Variants in TXNDC16 observed in about 807,000 individuals in gnomAD.
The protein encoded by TXNDC16 is thioredoxin domain-containing protein 16.
A neutral mutation model predicts 85.6 loss-of-function variants in TXNDC16; 74 were observed. The ratio of observed to expected loss-of-function variants is 0.86; its 90% CI spans 0.72 to 1.05. The LOEUF (loss-of-function observed/expected upper bound fraction) is 1.05, where lower values mean the gene tolerates loss of function less well. TXNDC16 is among the 50% of genes least tolerant of loss of function. The probability of loss-of-function intolerance (pLI) is 0.00; values close to 1 mark genes in which losing one functional copy is unlikely to be tolerated. For synonymous variants in TXNDC16, 335 were observed against 326.5 expected (o/e 1.03, Z -0.28); for missense variants, 959 against 947.0 (o/e 1.01, Z -0.17).
chr14:52,436,209 A>T (rs984152470), intron 20 of TXNDC16, among the ~76,000 whole-genome samples: 2 of 152,216 alleles, frequency 1.3e-5, no homozygotes, highest in African/African-American at 4.8e-5. Flanking sequence ...AATGTGACAT[A>T]TCCTTGCAGT....
intron 6 of TXNDC16, among the ~76,000 whole-genome samples, chr14:52,524,802 C>T (rs1191923901): frequency 6.6e-6 from 1 of 151,772 alleles, no homozygotes; most frequent in Non-Finnish European, 1.5e-5. Context: ...CCTGAGGATT[C>T]TTAGGAATCA....
chr14:52,534,706 T>A (rs1218907521), intron 6 of TXNDC16, among the ~76,000 whole-genome samples: 1 of 152,196 alleles, frequency 6.6e-6, no homozygotes, highest in Non-Finnish European at 1.5e-5. Context: ...TATGCATACA[T>A]ACTTCTACTA....
chr14:52,541,960 A>G (rs2140228856), intron 4 of TXNDC16, among the ~76,000 whole-genome samples: 1 of 152,340 alleles, frequency 6.6e-6, no homozygotes, highest in East Asian at 1.9e-4. Flanking sequence ...AAGAACAGAA[A>G]AAAATTATTT....
At chr14:52,443,539 G>C (rs561936111) in intron 18 of TXNDC16, among the ~76,000 whole-genome samples, 13 of 152,322 alleles carry the variant, frequency 8.5e-5, no homozygotes, top group African/African-American at 2.6e-4. Context: ...TGAGGTGTGT[G>C]CTTGAGCAGG....
chr14:52,473,807 A>G (rs969992706), intron 14 of TXNDC16, among the ~76,000 whole-genome samples: 5 of 152,200 alleles, frequency 3.3e-5, no homozygotes, highest in South Asian at 4.1e-4. Context: ...AACATTCTTC[A>G]TTGTCTTCGA....
intron 8 of TXNDC16, among the ~76,000 whole-genome samples, chr14:52,511,827 C>T (rs1433863238): frequency 6.6e-6 from 1 of 152,100 alleles, no homozygotes; most frequent in Non-Finnish European, 1.5e-5. Flanking sequence ...TTTGAATAAA[C>T]TTCAGCCAAA....
intron 16 of TXNDC16, among the ~76,000 whole-genome samples, chr14:52,459,289 C>T (rs2035601677): frequency 2.0e-5 from 3 of 152,124 alleles, no homozygotes; most frequent in South Asian, 4.2e-4. Context: ...AAAAGCACTC[C>T]TAACCCCTAT....
At position 52,536,922 on chromosome 14, in the gene TXNDC16, T is replaced by C. The variant is rs1210422941; in HGVS notation, c.318-129A>G. 4 of 669,618 alleles carry C rather than the reference T, an allele frequency of 6.0e-6. No individual in the cohort carries two copies. The South Asian group carries it at 6.5e-5, about 11-fold the overall frequency. The allele number at this position is 669,618 out of a possible 1,614,324, so 41.5% of individuals were successfully genotyped here. A position where few individuals can be genotyped will look rare whatever the true frequency, so the allele number is the denominator to read the frequency against. On this transcript the variant is annotated intron_variant, in intron 5 of 20. Coordinates refer to ENST00000281741, the MANE Select transcript of TXNDC16 (RefSeq NM_020784.3). ...ATGTTACAGCTGTGTCTTGTCCACATACTCCACATACCTACCAGCGTCCTG... is the reference window on the plus strand; with the variant it reads ...ATGTTACAGCTGTGTCTTGTCCACACACTCCACATACCTACCAGCGTCCTG...
chr14:52,465,187 T>C (rs916881688), intron 16 of TXNDC16, among the ~76,000 whole-genome samples: 1 of 152,186 alleles, frequency 6.6e-6, no homozygotes, highest in Non-Finnish European at 1.5e-5. Flanking sequence ...TGGGGTCCTC[T>C]TCTCAGACAA....
At chr14:52,525,842 C>G (rs1412239548) in intron 6 of TXNDC16, among the ~76,000 whole-genome samples, 1 of 151,560 alleles carries the variant, frequency 6.6e-6, no homozygotes, top group Non-Finnish European at 1.5e-5. Flanking sequence ...ATACCAAAAC[C>G]CATGGATGCT....
chr14:52,527,140 G>C (rs2037354882), intron 6 of TXNDC16, among the ~76,000 whole-genome samples: 1 of 152,202 alleles, frequency 6.6e-6, no homozygotes, highest in African/African-American at 2.4e-5. Context: ...TAGAGAAACA[G>C]CCAAGCCCAA....
intron 14 of TXNDC16, among the ~76,000 whole-genome samples, chr14:52,479,903 A>G (rs1021553516): frequency 2.6e-5 from 4 of 152,030 alleles, no homozygotes; most frequent in African/African-American, 9.7e-5. Context: ...GAGGCATCAC[A>G]TTACCTATTT....
In TXNDC16 at chr14:52,439,381, C is replaced by A. The variant is rs746571909; in HGVS notation, c.2017G>T (p.Val673Leu). 3.9e-5 allele frequency: 63 copies of A among 1,612,458 alleles called. 1 individual carries two copies. The South Asian group carries it at 6.6e-4, about 17-fold the overall frequency. Residue 673 changes from valine (V) to leucine (L), a missense_variant, in exon 20 of 21, where the codon GTG becomes TTG. Physicochemically the swap from Val to Leu is conservative, Grantham distance 32. Coordinates refer to ENST00000281741, the MANE Select transcript of TXNDC16 (RefSeq NM_020784.3). ...TATGCCCTCAAGATTCCTCTCCCCA[C>A]TGGAGTATTCTTTCTGCAAAAGGGA... is the stretch of plus-strand genomic sequence containing the variant. Reference protein sequence around the residue: ...PCWLNLKNTPVGRGILRAYFD... With the variant: ...PCWLNLKNTPLGRGILRAYFD...
At chr14:52,454,821 AAGT>A (rs1261175477) in intron 18 of TXNDC16, among the ~76,000 whole-genome samples, 1 of 152,086 alleles carries the variant, frequency 6.6e-6, no homozygotes, top group Non-Finnish European at 1.5e-5. Context: ...AAACCCATAT[AAGT>A]AATAAGAATA....
intron 6 of TXNDC16, among the ~76,000 whole-genome samples, chr14:52,521,644 C>G (rs1433613489): frequency 6.6e-6 from 1 of 152,144 alleles, no homozygotes; most frequent in Admixed American, 6.5e-5. Context: ...CTAAATTATG[C>G]TGGCTTAAAT....
In TXNDC16 at chr14:52,432,270, C is replaced by A; in HGVS notation, c.*34G>T. 6.5e-7 allele frequency: 1 copy of A among 1,541,748 alleles called. No individual in the cohort carries two copies. ...AAGGAAATAAATTAAGTCTATCATG[C>A]CAAAAAAATTTTGGAAACCACAGCC... On this transcript the variant is annotated 3_prime_UTR_variant, in exon 21 of 21. Coordinates refer to ENST00000281741, the MANE Select transcript of TXNDC16 (RefSeq NM_020784.3).
rs760386359 is a variant in TXNDC16, at chr14:52,482,296, GA to G, written c.1253-8del. On this transcript the variant is annotated splice_region_variant and splice_polypyrimidine_tract_variant and intron_variant, in intron 13 of 20. Coordinates refer to ENST00000281741, the MANE Select transcript of TXNDC16 (RefSeq NM_020784.3). ...GCCATGGATACTGCTTGCCCTATAT[GA>G]AAATTAAAAATTCAACAGATATTAC... The G allele has an allele frequency of 1.9e-6, 3 of 1,609,124 alleles. No individual in the cohort carries two copies. In the African/African-American group the frequency reaches 4.0e-5, roughly 22 times the overall value.
chr14:52,440,502 GA>G, intron 19 of TXNDC16, 61 bp downstream of exon 19: 1 of 1,352,328 alleles, frequency 7.4e-7, no homozygotes, highest in Non-Finnish European at 9.8e-7. Context: ...GTTTCCTAAT[GA>G]AAATGTAATA....
chr14:52,530,736 T>C (rs1287129769), intron 6 of TXNDC16, among the ~76,000 whole-genome samples: 2 of 145,432 alleles, frequency 1.4e-5, no homozygotes, highest in East Asian at 4.0e-4. Context: ...CATCAGTATA[T>C]GTCTGTATAC....
Sources: gnomAD v4.1 joint callset for allele counts (sites outside exome capture counted in the v4.1 genomes callset) on GRCh38, gnomAD v4.1.1 for gene constraint, MANE v1.5 for transcripts, NCBI Gene and HGNC (gene_info 2026-07-23, HGNC 2026-07-21) for gene names.